MLF1: variants seen among roughly 807,000 people sequenced by gnomAD.
The protein encoded by MLF1 is myelodysplasia-myeloid leukemia factor 1.
In MLF1, 37 loss-of-function variants were observed where a neutral mutation model predicts 38.3. The observed-to-expected ratio is 0.96, with a 90% CI of 0.74 to 1.27. The LOEUF is 1.27. MLF1 is among the 50% of genes most tolerant of loss of function. The pLI, the probability that MLF1 is intolerant of heterozygous loss-of-function variation, is 0.00. For missense variants in MLF1, 331 were observed against 349.2 expected (o/e 0.95, Z 0.42); for synonymous variants, 95 against 106.5 (o/e 0.89, Z 0.66).
chr3:158,586,496 T>G (rs1394224044), intron 1 of MLF1, among the ~76,000 whole-genome samples: 1 of 152,180 alleles, frequency 6.6e-6, no homozygotes, highest in Non-Finnish European at 1.5e-5. Context: ...GGGTTTACTG[T>G]GTTCAAATTA....
intron 1 of MLF1, among the ~76,000 whole-genome samples, chr3:158,583,568 CAAAT>C (rs952893937): frequency 5.9e-5 from 9 of 152,120 alleles, no homozygotes; most frequent in African/African-American, 1.9e-4. Context: ...ACTTAAAAAA[CAAAT>C]AAAAGGGCAG....
chr3:158,591,159 C>CTTTTTTT (rs11314613), intron 1 of MLF1: 5 of 396,128 alleles, frequency 1.3e-5, no homozygotes, highest in Non-Finnish European at 2.4e-5. Flanking sequence ...AGGAAAATTT[C>CTTTTTTT]TTTTTTTTTT....
At chr3:158,597,052 C>A in intron 4 of MLF1, 107 bp downstream of exon 4, 1 of 623,834 alleles carries the variant, frequency 1.6e-6, no homozygotes, top group Non-Finnish European at 2.8e-6. Flanking sequence ...AAAAAGATAC[C>A]TTACATGATT....
At position 158,595,915 on chromosome 3, in the gene MLF1, T is replaced by C. The variant is rs1718808246; in HGVS notation, c.241-947T>C. On this transcript the variant is annotated intron_variant, in intron 3 of 7. Coordinates refer to ENST00000466246, the MANE Select transcript of MLF1 (RefSeq NM_001369783.1). Reference sequence around the variant, plus strand: ...AACACATTGGAATGTGTGCCTGACTTTTATTTTCTGGTGAGTCTTCCAGTG... The same window carrying C: ...AACACATTGGAATGTGTGCCTGACTCTTATTTTCTGGTGAGTCTTCCAGTG... 1.3e-5 allele frequency among the ~76,000 whole-genome samples: 2 copies of C among 152,164 alleles called. 1 individual carries two copies. Among genetic ancestry groups the C allele is most frequent in the Admixed American group, 1.3e-4 (2 of 15,266 alleles).
chr3:158,575,698 T>C (rs957899965), intron 1 of MLF1, among the ~76,000 whole-genome samples: 1 of 152,156 alleles, frequency 6.6e-6, no homozygotes, highest in African/African-American at 2.4e-5. Context: ...TCAGTAAATG[T>C]TGTTTAATGG....
chr3:158,577,179 T>A (rs1715593805), intron 1 of MLF1, among the ~76,000 whole-genome samples: 1 of 152,220 alleles, frequency 6.6e-6, no homozygotes, highest in Non-Finnish European at 1.5e-5. Flanking sequence ...AGTAGTTGGA[T>A]TTATTAAAGG....
chr3:158,602,966 G>T (rs1215051402), intron 7 of MLF1, 27 bp downstream of exon 7: 5 of 1,584,238 alleles, frequency 3.2e-6, no homozygotes, highest in East Asian at 2.2e-5. Context: ...AAATAGTTTG[G>T]TTTTTTAAGA....
At chr3:158,590,230 A>G (rs534160038) in intron 1 of MLF1, among the ~76,000 whole-genome samples, 90 of 152,342 alleles carry the variant, frequency 5.9e-4, no homozygotes, top group African/African-American at 2.0e-3. Flanking sequence ...CGGTTCTATC[A>G]AAGAACATAC....
chr3:158,582,839 TAAAAG>T, intron 1 of MLF1: 4 of 678,512 alleles, frequency 5.9e-6, no homozygotes, highest in Non-Finnish European at 1.1e-5. Context: ...CAAGAAATGT[TAAAAG>T]AAGTTCTTCA....
chr3:158,577,854 A>C (rs1385582949), intron 1 of MLF1, among the ~76,000 whole-genome samples: 1 of 152,206 alleles, frequency 6.6e-6, no homozygotes, highest in African/African-American at 2.4e-5. Flanking sequence ...GGAGTGAACT[A>C]TTTATAGAAT....
In MLF1 at chr3:158,605,107, C is replaced by G. The variant is rs1720351130; in HGVS notation, c.757C>G (p.Gln253Glu). ...SRELKRREKP[Q>E]QSPAIEHGRR... ...ATGTATATTTCTCAGGGAGAAACCT[C>G]AACAAAGTCCAGCCATTGAACATGG... The change falls in exon 8 of 8, where the codon CAA becomes GAA. Residue 253 changes from glutamine (Q) to glutamate (E), a missense_variant. Gln to Glu is a conservative substitution (Grantham distance 29). Coordinates refer to ENST00000466246, the MANE Select transcript of MLF1 (RefSeq NM_001369783.1). 6.2e-7 allele frequency: 1 copy of G among 1,612,464 alleles called. No homozygotes were observed. Among genetic ancestry groups the G allele is most frequent in the Non-Finnish European group, 8.5e-7 (1 of 1,179,068 alleles).
chr3:158,579,786 A>C (rs1456850562), intron 1 of MLF1, among the ~76,000 whole-genome samples: 3 of 152,220 alleles, frequency 2.0e-5, no homozygotes, highest in Non-Finnish European at 2.9e-5. Context: ...TCACATCTAC[A>C]TATCTAAAGG....
intron 5 of MLF1, among the ~76,000 whole-genome samples, chr3:158,598,413 T>C (rs1036076575): frequency 6.7e-6 from 1 of 149,102 alleles, no homozygotes; most frequent in African/African-American, 2.4e-5. Flanking sequence ...ATTTTTTTTG[T>C]AGCCCCCCCA....
intron 1 of MLF1, chr3:158,590,913 A>T (rs150316868): frequency 4.8e-6 from 2 of 412,948 alleles, no homozygotes; most frequent in Non-Finnish European, 9.5e-6. Flanking sequence ...CTGTCTATAC[A>T]TACAAGCACA....
rs560177228 is a variant in MLF1, at chr3:158,603,843, A to G, written c.746+904A>G. 1.3e-4 allele frequency among the ~76,000 whole-genome samples: 20 copies of G among 152,172 alleles called. No homozygotes were observed. The South Asian group carries it at 4.1e-3, about 32-fold the overall frequency. ...GACAGAGCAAGACTCCATCTCAAAA[A>G]TAAATAAATAAATATTATAGAGTTT... On this transcript the variant is annotated intron_variant, in intron 7 of 7. Coordinates refer to ENST00000466246, the MANE Select transcript of MLF1 (RefSeq NM_001369783.1).
chr3:158,592,670 G>A, intron 2 of MLF1, 89 bp downstream of exon 2: 1 of 1,051,226 alleles, frequency 9.5e-7, no homozygotes, highest in Non-Finnish European at 1.4e-6. Context: ...ATAATGATAG[G>A]ATATGACTAA....
chr3:158,599,951 C>A, intron 5 of MLF1, 63 bp from the exon 6 acceptor site: 1 of 728,564 alleles, frequency 1.4e-6, no homozygotes, highest in Non-Finnish European at 1.9e-6. Flanking sequence ...TGTAGGTAAG[C>A]TGGCCCTGAG....
intron 1 of MLF1, among the ~76,000 whole-genome samples, chr3:158,585,987 C>A (rs576926627): frequency 6.6e-6 from 1 of 151,866 alleles, no homozygotes; most frequent in Non-Finnish European, 1.5e-5. Context: ...CATAGTAAAA[C>A]CCCATCTCTA....
intron 1 of MLF1, 104 bp downstream of exon 1, chr3:158,571,451 G>A: frequency 1.4e-6 from 2 of 1,426,130 alleles, no homozygotes; most frequent in African/African-American, 1.4e-5. Context: ...GAGAGAATTC[G>A]GAGTAACTCT....
Sources: gnomAD v4.1 joint callset for allele counts (sites outside exome capture counted in the v4.1 genomes callset) on GRCh38, gnomAD v4.1.1 for gene constraint, MANE v1.5 for transcripts, NCBI Gene and HGNC (gene_info 2026-07-23, HGNC 2026-07-21) for gene names.